NELL1: variants seen among roughly 807,000 people sequenced by gnomAD.
The protein encoded by NELL1 is protein kinase C-binding protein NELL1.
Under a neutral mutation model 107.4 loss-of-function variants are expected in NELL1, and 76 were observed. The observed-to-expected ratio is 0.71, with a 90% CI of 0.59 to 0.86. The LOEUF is 0.86. Among genes scored for constraint, NELL1 ranks in the 40% least tolerant of loss-of-function variants. NELL1 has a pLI of 0.00. For missense variants in NELL1, 1,024 were observed against 1,005.5 expected, an observed-to-expected ratio of 1.02 and a Z score of -0.25; for synonymous variants, 353 against 341.2, an observed-to-expected ratio of 1.03 and a Z score of -0.38.
chr11:21,132,239 GCACA>G (rs1454319632), intron 13 of NELL1, among the ~76,000 whole-genome samples: 2 of 152,026 alleles, frequency 1.3e-5, no homozygotes, highest in African/African-American at 4.8e-5. Context: ...ATGCACGCGT[GCACA>G]CACACAGGGC....
At chr11:20,826,075 A>ATGTGTT (rs1857877357) in intron 3 of NELL1, among the ~76,000 whole-genome samples, 1 of 151,212 alleles carries the variant, frequency 6.6e-6, no homozygotes, top group Non-Finnish European at 1.5e-5. Flanking sequence ...GTGAAGAAGG[A>ATGTGTT]TGTGTTTGCT....
chr11:21,310,681 A>G (rs1443792540), intron 14 of NELL1, among the ~76,000 whole-genome samples: 1 of 152,008 alleles, frequency 6.6e-6, no homozygotes, highest in Non-Finnish European at 1.5e-5. Context: ...TAGAAATCTA[A>G]CACAGGATGC....
intron 12 of NELL1, among the ~76,000 whole-genome samples, chr11:21,050,371 T>C (rs2134346180): frequency 6.6e-6 from 1 of 151,998 alleles, no homozygotes; most frequent in East Asian, 2.0e-4. Context: ...TACTTAAAAC[T>C]CATAAATTAT....
chr11:20,752,316 G>C (rs192054834), intron 2 of NELL1, among the ~76,000 whole-genome samples: 1 of 152,146 alleles, frequency 6.6e-6, no homozygotes, highest in Non-Finnish European at 1.5e-5. Flanking sequence ...TTGGGAGGCC[G>C]AGGCAGGCGG....
chr11:20,773,029 G>A (rs879306202), intron 2 of NELL1, among the ~76,000 whole-genome samples: 2 of 152,174 alleles, frequency 1.3e-5, no homozygotes, highest in African/African-American at 2.4e-5. Flanking sequence ...TGGAGTGGCT[G>A]GAAGTCCCAT....
chr11:21,240,064 G>C (rs1236931113), intron 14 of NELL1, among the ~76,000 whole-genome samples: 1 of 151,950 alleles, frequency 6.6e-6, no homozygotes, highest in Non-Finnish European at 1.5e-5. Context: ...AAGGGCAAAA[G>C]CTATTACTTG....
intron 2 of NELL1, among the ~76,000 whole-genome samples, chr11:20,710,890 A>AT (rs1289168255): frequency 6.6e-6 from 1 of 151,924 alleles, no homozygotes; most frequent in Non-Finnish European, 1.5e-5. Context: ...TTCATTTCTA[A>AT]TTGAGCTTAT....
chr11:21,474,068 G>T (rs1854257024), intron 15 of NELL1, among the ~76,000 whole-genome samples: 1 of 152,018 alleles, frequency 6.6e-6, no homozygotes, highest in Admixed American at 6.6e-5. Flanking sequence ...CTGACACTAA[G>T]ATGTGATCTC....
chr11:21,378,450 T>G (rs988836876), intron 15 of NELL1, among the ~76,000 whole-genome samples: 1 of 151,776 alleles, frequency 6.6e-6, no homozygotes, highest in South Asian at 2.1e-4. Context: ...CTGGATGATA[T>G]CCATCATGTG....
chr11:21,249,453 C>CT (rs1024505487), intron 14 of NELL1, among the ~76,000 whole-genome samples: 1 of 150,504 alleles, frequency 6.6e-6, no homozygotes, highest in Non-Finnish European at 1.5e-5. Flanking sequence ...TTGATAGCAG[C>CT]TTTTTTTATT....
intron 2 of NELL1, among the ~76,000 whole-genome samples, chr11:20,708,197 C>T (rs1262135107): frequency 6.6e-6 from 1 of 152,240 alleles, no homozygotes; most frequent in East Asian, 1.9e-4. Flanking sequence ...TGTTGGAAAG[C>T]ACAGTATTAG....
intron 10 of NELL1, among the ~76,000 whole-genome samples, chr11:20,938,302 G>C (rs539126449): frequency 6.6e-6 from 1 of 152,226 alleles, no homozygotes; most frequent in African/African-American, 2.4e-5. Flanking sequence ...AGATGTATAA[G>C]ATCATAGATC....
At chr11:20,711,957 A>T (rs1243426206) in intron 2 of NELL1, among the ~76,000 whole-genome samples, 1 of 152,084 alleles carries the variant, frequency 6.6e-6, no homozygotes, top group Admixed American at 6.6e-5. Flanking sequence ...AGATGTCTAG[A>T]TCTTTAGTTC....
intron 14 of NELL1, among the ~76,000 whole-genome samples, chr11:21,257,386 A>G (rs965450026): frequency 1.6e-4 from 24 of 152,134 alleles, no homozygotes; most frequent in Non-Finnish European, 3.2e-4. Flanking sequence ...ATCTAGAGGA[A>G]TCTGTCCTGT....
chr11:21,018,624 A>T (rs1193169925), intron 12 of NELL1, among the ~76,000 whole-genome samples: 1 of 152,064 alleles, frequency 6.6e-6, no homozygotes, highest in Non-Finnish European at 1.5e-5. Context: ...TAGGCACATT[A>T]GATTATGACC....
chr11:21,313,552 A>G (rs1016215003), intron 14 of NELL1, among the ~76,000 whole-genome samples: 4 of 152,206 alleles, frequency 2.6e-5, no homozygotes, highest in African/African-American at 7.2e-5. Context: ...TTCTCTTTCT[A>G]TGACTGGATA....
chr11:21,187,581 T>G (rs749301419), intron 13 of NELL1, among the ~76,000 whole-genome samples: 1 of 151,834 alleles, frequency 6.6e-6, no homozygotes, highest in African/African-American at 2.4e-5. Context: ...TCATGCAGTG[T>G]CTCTGGGCAA....
chr11:20,937,159 G>A (rs1331608940), intron 9 of NELL1, among the ~76,000 whole-genome samples: 28 of 152,190 alleles, frequency 1.8e-4, no homozygotes, highest in Admixed American at 1.8e-3. Context: ...TAGGAGCTCC[G>A]TTTATGTTTC....
At chr11:20,678,204 G>A (rs1854109370) in intron 2 of NELL1, 144 bp downstream of exon 2, 1 of 894,092 alleles carries the variant, frequency 1.1e-6, no homozygotes, top group Non-Finnish European at 1.7e-6. Flanking sequence ...ATATGCAGGG[G>A]GTATTATTCT....
Sources: allele counts gnomAD v4.1 joint callset (sites outside exome capture counted in the v4.1 genomes callset), GRCh38; gene constraint gnomAD v4.1.1; transcripts MANE v1.5; gene names NCBI Gene and HGNC (gene_info 2026-07-23, HGNC 2026-07-21).